MUC17: variants seen among roughly 807,000 people sequenced by gnomAD.
MUC17 encodes mucin 17, cell surface associated, also known as mucin-17.
MUC17 carries 190 observed loss-of-function variants against 170.3 expected under a neutral mutation model. The observed-to-expected ratio is 1.12, with a 90% CI of 0.99 to 1.26. The LOEUF (loss-of-function observed/expected upper bound fraction) is 1.26. MUC17 is among the 50% of genes most tolerant of loss of function. The pLI is 0.00. For synonymous variants in MUC17, 2,325 were observed against 2,002.5 expected, an observed-to-expected ratio of 1.16 and a Z score of -4.30; for missense variants, 6,415 against 5,530.0, an observed-to-expected ratio of 1.16 and a Z score of -5.08.
intron 1 of MUC17, among the ~76,000 whole-genome samples, chr7:101,020,889 A>C (rs954349164): frequency 1.3e-5 from 2 of 152,134 alleles, no homozygotes; most frequent in African/African-American, 4.8e-5. Context: ...AGGAGGGATG[A>C]CAGTGGGTTC....
rs10277563 is a variant in MUC17, at chr7:101,046,762, G to A, written c.12404-1222G>A. Among the ~76,000 whole-genome samples the A allele has an allele frequency of 4.6e-3, 693 of 152,032 alleles. 7 individuals carry two copies. The highest frequency in any genetic ancestry group is 0.016 in the African/African-American group (658 of 41,454). ...CACTGCGCTCCAACCTGAACGAGAT[G>A]GTGAGACTCTGTCTCAAAAAATAAT... On this transcript the variant is annotated intron_variant, in intron 3 of 12. Transcript: ENST00000306151.
chr7:101,052,871 CT>C (rs1794974642), intron 9 of MUC17, 114 bp from the exon 10 acceptor site: 30 of 1,286,820 alleles, frequency 2.3e-5, no homozygotes, highest in Non-Finnish European at 3.1e-5. Flanking sequence ...TTTATGCCCC[CT>C]GGCAATCTCT....
At position 101,031,942 on chromosome 7, in the gene MUC17, A is replaced by T; in HGVS notation, c.526A>T (p.Thr176Ser). The T allele has an allele frequency of 6.2e-7, 1 of 1,614,118 alleles. No homozygotes were observed. Among genetic ancestry groups the T allele is most frequent in the African/African-American group, 1.3e-5 (1 of 75,058 alleles). Residue 176 changes from threonine to serine, a missense_variant, in exon 3 of 13, where the codon ACA (threonine) becomes TCA (serine). Thr to Ser is a moderately conservative substitution (Grantham distance 58). Transcript: ENST00000306151. ...TAPLPSFEAY[T>S]SLTYKVDMST... ...ACCTCTTCCCAGTTTTGAGGCCTACACATCTTTAACATATAAGGTTGATAT... is the reference window on the plus strand; with the variant it reads ...ACCTCTTCCCAGTTTTGAGGCCTACTCATCTTTAACATATAAGGTTGATAT...
At position 101,041,148 on chromosome 7, in the gene MUC17, A is replaced by C; in HGVS notation, c.9732A>C (p.Thr3244=). Residue 3244 remains threonine, a synonymous_variant, in exon 3 of 13, where the codon ACA becomes ACC. Coordinates refer to ENST00000306151, the MANE Select transcript of MUC17 (RefSeq NM_001040105.2). The stretch of plus-strand genomic sequence containing the variant: ...GTTCTGAGGCTAGCATCCTTTCAAC[A>C]ACTCCTGTTGACTCCAACACTCCTT... ...VASSEASILS[T]TPVDSNTPLT... 1 of 1,613,144 alleles carries C rather than the reference A, an allele frequency of 6.2e-7. No homozygotes were observed. Among genetic ancestry groups the C allele is most frequent in the Non-Finnish European group, 8.5e-7 (1 of 1,179,828 alleles).
intron 12 of MUC17, among the ~76,000 whole-genome samples, chr7:101,057,420 T>C (rs896557447): frequency 6.6e-6 from 1 of 152,178 alleles, no homozygotes; most frequent in South Asian, 2.1e-4. Context: ...TGGTTTGTGC[T>C]AGAATCCAGG....
chr7:101,049,474 T>A, intron 6 of MUC17, 92 bp downstream of exon 6: 1 of 1,494,232 alleles, frequency 6.7e-7, no homozygotes, highest in Non-Finnish European at 9.0e-7. Context: ...CCTGCATTAC[T>A]GTGCCCAGGC....
intron 3 of MUC17, among the ~76,000 whole-genome samples, chr7:101,047,423 C>T (rs556391879): frequency 1.2e-4 from 18 of 152,254 alleles, no homozygotes; most frequent in African/African-American, 3.6e-4. Context: ...AGCCTGCACT[C>T]GGACCCATCG....
rs777723916 is a variant in MUC17, at chr7:101,037,691, T to G, written c.6275T>G (p.Met2092Arg). ...SSSATAEGSS[M>R]TISAPSEGSP... The stretch of plus-strand genomic sequence containing the variant: ...TCTGCAACCGCTGAAGGTAGCAGCA[T>G]GACAATCTCAGCTCCTAGTGAAGGA... The change falls in exon 3 of 13, where the codon ATG (methionine) becomes AGG (arginine). Residue 2092 changes from methionine to arginine, a missense_variant. Coordinates refer to ENST00000306151, the MANE Select transcript of MUC17 (RefSeq NM_001040105.2). 1 of 1,613,048 alleles carries G rather than the reference T, an allele frequency of 6.2e-7. No individual in the cohort carries two copies.
In MUC17 at chr7:101,037,218, C is replaced by T; in HGVS notation, c.5802C>T (p.Ser1934=). 1.2e-6 allele frequency: 2 copies of T among 1,612,284 alleles called. No homozygotes were observed. The highest frequency in any genetic ancestry group is 1.7e-6 in the Non-Finnish European group (2 of 1,178,948). Residue 1934 remains serine (S), a synonymous_variant, in exon 3 of 13, where the codon AGC becomes AGT. Transcript: ENST00000306151. The part of the protein sequence containing the change: ...GRPPLTSIPV[S]TTTVASSEIN... The stretch of plus-strand genomic sequence containing the variant: ...CTCCATTAACAAGTATACCTGTCAG[C>T]ACCACAACAGTGGCCAGTTCTGAAA...
rs376398816 is a variant in MUC17, at chr7:101,036,449, C to A, written c.5033C>A (p.Thr1678Asn). 8.7e-6 allele frequency: 14 copies of A among 1,611,176 alleles called. No homozygotes were observed. Among genetic ancestry groups the A allele is most frequent in the African/African-American group, 1.3e-5 (1 of 74,656 alleles). ...TCATCTCCTACACCTGCTGAAGGTACCAGCATGCCAACCTCAACTTATACT... is the reference window on the plus strand; with the variant it reads ...TCATCTCCTACACCTGCTGAAGGTAACAGCATGCCAACCTCAACTTATACT... The part of the protein sequence containing the change: ...VSSSPTPAEG[T>N]SMPTSTYTEG... The change falls in exon 3 of 13, where the codon ACC (threonine) becomes AAC (asparagine). Residue 1678 changes from threonine (T) to asparagine (N), a missense_variant. Physicochemically the swap from Thr to Asn is moderately conservative, Grantham distance 65. Coordinates refer to ENST00000306151, the MANE Select transcript of MUC17 (RefSeq NM_001040105.2).
intron 7 of MUC17, among the ~76,000 whole-genome samples, chr7:101,050,887 TAGG>T (rs1328776871): frequency 6.6e-6 from 1 of 151,058 alleles, no homozygotes; most frequent in East Asian, 2.0e-4. Flanking sequence ...ATGGAGAGAG[TAGG>T]AGAACATGGA....
chr7:101,047,851 C>A, intron 3 of MUC17, 133 bp from the exon 4 acceptor site: 1 of 1,106,832 alleles, frequency 9.0e-7, no homozygotes, highest in Non-Finnish European at 1.2e-6. Context: ...ACAAATTAGA[C>A]AGTGTCCGTG....
Position 101,033,236 on chromosome 7 carries a change from C to T in MUC17, c.1820C>T (p.Ala607Val). Residue 607 changes from alanine to valine, a missense_variant, in exon 3 of 13, where the codon GCT becomes GTT. Transcript: ENST00000306151. ...SNTFVTTSSE[A>V]SSSSTTAEGT... Reference sequence around the variant, plus strand: ...ACTTTTGTGACCACTTCTAGTGAAGCTAGTTCATCTTCTACAACTGCTGAA... The same window carrying T: ...ACTTTTGTGACCACTTCTAGTGAAGTTAGTTCATCTTCTACAACTGCTGAA... The T allele has an allele frequency of 6.2e-7, 1 of 1,614,160 alleles. No individual in the cohort carries two copies. Among genetic ancestry groups the T allele is most frequent in the Non-Finnish European group, 8.5e-7 (1 of 1,180,038 alleles).
rs780828762 is a variant in MUC17, at chr7:101,037,442, C to T, written c.6026C>T (p.Pro2009Leu). 1.9e-6 allele frequency: 3 copies of T among 1,611,422 alleles called. No homozygotes were observed. Among genetic ancestry groups the T allele is most frequent in the South Asian group, 1.1e-5 (1 of 90,682 alleles). ...SSEASTLSTT[P>L]VDTSTPATTS... ...GAGGCTAGCACTCTTTCCACAACTC[C>T]TGTTGACACCAGCACTCCTGCCACC... The change falls in exon 3 of 13, where the codon CCT becomes CTT. Residue 2009 changes from proline (P) to leucine (L), a missense_variant. Physicochemically the swap from Pro to Leu is moderately conservative, Grantham distance 98. Transcript: ENST00000306151.
At chr7:101,028,727 A>AG (rs1225504942) in intron 1 of MUC17, among the ~76,000 whole-genome samples, 1 of 151,694 alleles carries the variant, frequency 6.6e-6, no homozygotes, top group East Asian at 1.9e-4. Flanking sequence ...AAAAAAAAAA[A>AG]CTTTTAAAAA....
rs140536945 is a variant in MUC17 at position 101,043,219 on chromosome 7, C to G, written c.11803C>G (p.Pro3935Ala). The change falls in exon 3 of 13, where the codon CCT (proline) becomes GCT (alanine). Residue 3935 changes from proline (P) to alanine (A), a missense_variant. Pro to Ala is a conservative substitution (Grantham distance 27). Transcript: ENST00000306151. ...SVSVITEGST[P>A]GTTIFIPSTP... ...ATCAGTGATCACAGAAGGAAGCACA[C>G]CTGGGACAACCATTTTTATTCCCAG... The G allele has an allele frequency of 5.1e-5, 83 of 1,614,070 alleles. No individual in the cohort carries two copies. In the African/African-American group the frequency reaches 9.6e-4, roughly 19 times the overall value.
At position 101,034,707 on chromosome 7, in the gene MUC17, T is replaced by C; in HGVS notation, c.3291T>C (p.Ser1097=). ...DGTSMPTSTY[S]EGSTPLTSVP... ...CCAGCATGCCAACCTCAACTTATAG[T>C]GAAGGAAGCACTCCACTAACAAGTG... The change falls in exon 3 of 13, where the codon AGT becomes AGC. Residue 1097 remains serine, a synonymous_variant. Transcript: ENST00000306151. The C allele has an allele frequency of 1.2e-6, 2 of 1,603,944 alleles. No individual in the cohort carries two copies. The highest frequency in any genetic ancestry group is 1.7e-6 in the Non-Finnish European group (2 of 1,177,064).
In MUC17 at chr7:101,039,846, T is replaced by A; in HGVS notation, c.8430T>A (p.Thr2810=). The A allele has an allele frequency of 2.5e-6, 4 of 1,611,362 alleles. No homozygotes were observed. Among genetic ancestry groups the A allele is most frequent in the Non-Finnish European group, 3.4e-6 (4 of 1,179,120 alleles). ...CCTCAACTCCTAGTGAAACAAGTAC[T>A]CCATTAACTAGTATGCCTGTCAACC... The part of the protein sequence containing the change: ...MPTSTPSETS[T]PLTSMPVNHT... Residue 2810 remains threonine (T), a synonymous_variant, in exon 3 of 13, where the codon ACT becomes ACA. Coordinates refer to ENST00000306151, the MANE Select transcript of MUC17 (RefSeq NM_001040105.2).
At position 101,035,354 on chromosome 7, in the gene MUC17, A is replaced by G. The variant is rs566973972; in HGVS notation, c.3938A>G (p.Asn1313Ser). Reference sequence around the variant, plus strand: ...ACTAAAGGTCCTGTGGTCACTTCTAATGAAGTCAGTTCATCTCCTACACCT... The same window carrying G: ...ACTAAAGGTCCTGTGGTCACTTCTAGTGAAGTCAGTTCATCTCCTACACCT... ...VDTKGPVVTSNEVSSSPTPAE... is the reference protein window; with the variant it reads ...VDTKGPVVTSSEVSSSPTPAE... Residue 1313 changes from asparagine to serine, a missense_variant, in exon 3 of 13, where the codon AAT becomes AGT. Coordinates refer to ENST00000306151, the MANE Select transcript of MUC17 (RefSeq NM_001040105.2). The G allele has an allele frequency of 1.3e-6, 2 of 1,599,898 alleles. No individual in the cohort carries two copies. The highest frequency in any genetic ancestry group is 2.8e-5 in the African/African-American group (2 of 72,254).
Sources: allele counts gnomAD v4.1 joint callset (sites outside exome capture counted in the v4.1 genomes callset), GRCh38; gene constraint gnomAD v4.1.1; transcripts MANE v1.5; gene names NCBI Gene and HGNC (gene_info 2026-07-23, HGNC 2026-07-21).